The following ARHGAP9 variants were observed in gnomAD, a reference collection of about 807,000 sequenced individuals.
ARHGAP9 encodes rho GTPase-activating protein 9.
ARHGAP9 carries 76 observed loss-of-function variants against 87.3 expected under a neutral mutation model. The ratio of observed to expected loss-of-function variants is 0.87; its 90% CI spans 0.72 to 1.05. The LOEUF (loss-of-function observed/expected upper bound fraction) is 1.05. Among genes scored for constraint, ARHGAP9 ranks in the 50% least tolerant of loss-of-function variants. The pLI is 0.00. For missense variants in ARHGAP9, 941 were observed against 960.5 expected, an observed-to-expected ratio of 0.98 and a Z score of 0.27; for synonymous variants, 382 against 394.9, an observed-to-expected ratio of 0.97 and a Z score of 0.39.
chr12:57,484,898 G>A (rs1018088452), intron 1 of ARHGAP9, among the ~76,000 whole-genome samples: 9 of 151,756 alleles, frequency 5.9e-5, no homozygotes, highest in African/African-American at 2.2e-4. Context: ...CGCCTGCCTC[G>A]GCCTCCCAAA....
intron 17 of ARHGAP9, 55 bp downstream of exon 17, chr12:57,473,548 G>T: frequency 6.6e-7 from 1 of 1,505,604 alleles, no homozygotes; most frequent in Non-Finnish European, 9.2e-7. Flanking sequence ...AGTCCCTGTG[G>T]CATTCCCCAC....
chr12:57,488,491 C>T (rs1420956958), intron 1 of ARHGAP9: 1 of 1,376,484 alleles, frequency 7.3e-7, no homozygotes, highest in African/African-American at 1.4e-5. Context: ...TTCTCCTACA[C>T]CTATCAGGCA....
At chr12:57,488,480 C>T (rs754397690) in intron 1 of ARHGAP9, 25 of 1,311,206 alleles carry the variant, frequency 1.9e-5, no homozygotes, top group Non-Finnish European at 2.6e-5. Context: ...CCTTCCCAAC[C>T]TTCTCCTACA....
chr12:57,478,854 G>T, intron 2 of ARHGAP9, 97 bp from the exon 3 acceptor site: 2 of 1,241,664 alleles, frequency 1.6e-6, no homozygotes, highest in Non-Finnish European at 2.2e-6. Flanking sequence ...GACAAGAAGG[G>T]CAGAGGGAGG....
At chr12:57,473,961 G>T in intron 16 of ARHGAP9, 81 bp downstream of exon 16, 1 of 1,485,772 alleles carries the variant, frequency 6.7e-7, no homozygotes, top group East Asian at 2.4e-5. Flanking sequence ...TGGGAAAGAA[G>T]AGTATAAGGG....
upstream of ARHGAP9, among the ~76,000 whole-genome samples, chr12:57,483,040 A>G (rs1875145179): frequency 6.6e-6 from 1 of 151,146 alleles, no homozygotes; most frequent in African/African-American, 2.5e-5. Context: ...CGGAGGTTGC[A>G]GTGAGCTAAG....
intron 3 of ARHGAP9, 184 bp from the exon 4 acceptor site, chr12:57,477,864 T>A (rs1316935496): frequency 2.1e-6 from 3 of 1,417,066 alleles, no homozygotes; most frequent in Non-Finnish European, 2.8e-6. Flanking sequence ...ATTCTCTCTC[T>A]CACAGTTTTC....
chr12:57,478,980 GT>G, intron 2 of ARHGAP9, 110 bp downstream of exon 2: 1 of 1,371,258 alleles, frequency 7.3e-7, no homozygotes, highest in Non-Finnish European at 1.0e-6. Flanking sequence ...AGAGAAGATG[GT>G]TAGCAGAAGC....
intron 5 of ARHGAP9, 23 bp from the exon 6 acceptor site, chr12:57,476,986 C>G: frequency 1.2e-6 from 2 of 1,601,694 alleles, no homozygotes; most frequent in Non-Finnish European, 1.7e-6. Context: ...ATTGGAGAAA[C>G]AGGTGGGGAA....
chr12:57,483,046 C>T (rs1664984687), upstream of ARHGAP9, among the ~76,000 whole-genome samples: 1 of 151,014 alleles, frequency 6.6e-6, no homozygotes, highest in Non-Finnish European at 1.5e-5. Context: ...TTGCAGTGAG[C>T]TAAGATCATG....
chr12:57,477,742 T>C (rs1312293686), intron 3 of ARHGAP9, 62 bp from the exon 4 acceptor site: 1 of 1,584,632 alleles, frequency 6.3e-7, no homozygotes, highest in Admixed American at 1.8e-5. Flanking sequence ...CATGCTTCTC[T>C]TGGCCTTCCC....
In ARHGAP9 at chr12:57,472,432, T is replaced by G. The variant is rs1872133834; in HGVS notation, c.*85A>C. 32 of 1,463,142 alleles carry G rather than the reference T, an allele frequency of 2.2e-5. No homozygotes were observed. Among genetic ancestry groups the G allele is most frequent in the Non-Finnish European group, 2.9e-5 (32 of 1,093,766 alleles). The allele number at this position is 1,463,142 out of a possible 1,614,324, so 90.6% of individuals were successfully genotyped here. A position where few individuals can be genotyped will look rare whatever the true frequency, so the allele number is the denominator to read the frequency against. On this transcript the variant is annotated 3_prime_UTR_variant, in exon 18 of 18. Transcript: ENST00000393791. ...AGATAGAGACAGTCATTTGGGAGAT[T>G]TAAAGGGATATCCTCAAAACAGAAC...
chr12:57,477,172 T>A lies in ARHGAP9; in HGVS notation c.854A>T (p.Glu285Val), dbSNP rs1318101146. 2.5e-6 allele frequency: 4 copies of A among 1,613,264 alleles called. No individual in the cohort carries two copies. In the African/African-American group the frequency reaches 5.3e-5, roughly 22 times the overall value. ...GGATCTCACCTGTGGGTCAAGCGGT[T>A]CTGGGGTCCCTGTGTCAGATCTGAA... is the stretch of plus-strand genomic sequence containing the variant. ...KGFRSDTGTPEPLDPQGSLSL... is the reference protein window; with the variant it reads ...KGFRSDTGTPVPLDPQGSLSL... Residue 285 changes from glutamate to valine, a missense_variant, in exon 5 of 18, where the codon GAA becomes GTA. Physicochemically the swap from Glu to Val is moderately radical, Grantham distance 121 (BLOSUM62 -2). Coordinates refer to ENST00000393791, the MANE Select transcript of ARHGAP9 (RefSeq NM_032496.4).
chr12:57,477,029 G>A (rs1381475835), intron 5 of ARHGAP9, 66 bp from the exon 6 acceptor site: 2 of 1,504,264 alleles, frequency 1.3e-6, no homozygotes, highest in East Asian at 2.3e-5. Context: ...GCTGAAGGAG[G>A]AAGAGGGGTG....
intron 2 of ARHGAP9, 120 bp downstream of exon 2, chr12:57,478,971 G>A: frequency 7.5e-7 from 1 of 1,334,532 alleles, no homozygotes; most frequent in Non-Finnish European, 1.0e-6. Flanking sequence ...AGAAAAACAA[G>A]AGAAGATGGT....
chr12:57,474,918 C>G lies in ARHGAP9; in HGVS notation c.1608G>C (p.Val536=). 1 of 1,614,158 alleles carries G rather than the reference C, an allele frequency of 6.2e-7. No individual in the cohort carries two copies. The highest frequency in any genetic ancestry group is 1.3e-5 in the African/African-American group (1 of 75,040). The change falls in exon 13 of 18, where the codon GTG becomes GTC. Residue 536 remains valine (V), a synonymous_variant. Coordinates refer to ENST00000393791, the MANE Select transcript of ARHGAP9 (RefSeq NM_032496.4). ...ESLCQREGDT[V]PSFLRLCIAA... ...CAATGCAGAGCCGCAAAAAGCTGGGCACCGTGTCTCCTTCCCGCTGGCAGA... is the reference window on the plus strand; with the variant it reads ...CAATGCAGAGCCGCAAAAAGCTGGGGACCGTGTCTCCTTCCCGCTGGCAGA...
intron 1 of ARHGAP9, chr12:57,487,850 C>CAAAAAAAA (rs10715375): frequency 3.3e-5 from 6 of 179,998 alleles, no homozygotes; most frequent in Admixed American, 1.1e-4. Flanking sequence ...CGCCCTCTCA[C>CAAAAAAAA]AAAAAAAAAA....
At chr12:57,476,237 T>C in intron 8 of ARHGAP9, 71 bp from the exon 9 acceptor site, 4 of 1,494,038 alleles carry the variant, frequency 2.7e-6, no homozygotes, top group Non-Finnish European at 3.6e-6. Context: ...CGGTGGGCTG[T>C]GAGGAGGTGG....
chr12:57,479,224 C>T lies in ARHGAP9; in HGVS notation c.183G>A (p.Trp61Ter), dbSNP rs190021861. 1.2e-6 allele frequency: 2 copies of T among 1,614,200 alleles called. No individual in the cohort carries two copies. ...GAGCTTCTAGGCGTCTTGCCAACCACCAGTCGGAGTTGGTCTTTCGAAGCA... is the reference window on the plus strand; with the variant it reads ...GAGCTTCTAGGCGTCTTGCCAACCATCAGTCGGAGTTGGTCTTTCGAAGCA... The part of the protein sequence containing the change: ...FLLLRKTNSD[W>*]WLARRLEAPS... The change falls in exon 2 of 18, where the codon TGG (tryptophan) becomes TGA (stop). Residue 61 changes from tryptophan (W) to a stop codon, truncating the protein, a stop_gained. Coordinates refer to ENST00000393791, the MANE Select transcript of ARHGAP9 (RefSeq NM_032496.4). LOFTEE classifies it high-confidence loss of function.
Sources: gnomAD v4.1 joint callset for allele counts (sites outside exome capture counted in the v4.1 genomes callset) on GRCh38, gnomAD v4.1.1 for gene constraint, MANE v1.5 for transcripts, NCBI Gene and HGNC (gene_info 2026-07-23, HGNC 2026-07-21) for gene names.